PLCB1: variants seen among roughly 807,000 people sequenced by gnomAD.
PLCB1 encodes phospholipase C beta 1, also known as 1-phosphatidylinositol 4,5-bisphosphate phosphodiesterase beta-1.
Under a neutral mutation model 161.8 loss-of-function variants are expected in PLCB1, and 46 were observed. The observed-to-expected ratio is 0.28, with a 90% CI of 0.22 to 0.36. The LOEUF is 0.36. Ranked by LOEUF, PLCB1 falls within the 10% of genes least tolerant of loss-of-function variation. PLCB1 has a pLI of 1.00. For synonymous variants in PLCB1, 517 were observed against 503.7 expected (o/e 1.03, Z -0.35); for missense variants, 1,016 against 1,472.5 (o/e 0.69, Z 5.07).
At chr20:8,331,996 A>C (rs1438165074) in intron 2 of PLCB1, among the ~76,000 whole-genome samples, 1 of 152,174 alleles carries the variant, frequency 6.6e-6, no homozygotes, top group Non-Finnish European at 1.5e-5. Flanking sequence ...TTGTCTCCTC[A>C]TCTGTAAAAC....
chr20:8,611,856 A>G (rs909386928), intron 3 of PLCB1, among the ~76,000 whole-genome samples: 1 of 152,050 alleles, frequency 6.6e-6, no homozygotes, highest in Non-Finnish European at 1.5e-5. Context: ...TGAGGCAGGA[A>G]GATTGCTTGA....
At chr20:8,720,220 C>T (rs188890060) in intron 14 of PLCB1, among the ~76,000 whole-genome samples, 1 of 152,304 alleles carries the variant, frequency 6.6e-6, no homozygotes, top group Admixed American at 6.5e-5. Flanking sequence ...ATCTGCCTTT[C>T]CCACTACCAG....
chr20:8,839,800 G>A (rs1174529956), intron 31 of PLCB1, among the ~76,000 whole-genome samples: 1 of 151,386 alleles, frequency 6.6e-6, no homozygotes, highest in African/African-American at 2.4e-5. Context: ...GGAGGCCGAG[G>A]CAGGTGGATC....
intron 3 of PLCB1, among the ~76,000 whole-genome samples, chr20:8,595,244 T>TC (rs71331316): frequency 5.1e-5 from 4 of 78,400 alleles, no homozygotes; most frequent in African/African-American, 1.6e-4. Context: ...GTGCTATCCC[T>TC]CCCCCCTCCC....
chr20:8,182,583 C>CTT (rs113760426), intron 2 of PLCB1, among the ~76,000 whole-genome samples: 1 of 139,244 alleles, frequency 7.2e-6, no homozygotes, highest in Non-Finnish European at 1.6e-5. Flanking sequence ...TCTTTTTTTT[C>CTT]TTTTTTTTTT....
intron 3 of PLCB1, among the ~76,000 whole-genome samples, chr20:8,498,243 A>T (rs1983260203): frequency 1.3e-5 from 2 of 152,236 alleles, no homozygotes; most frequent in South Asian, 2.1e-4. Flanking sequence ...AATTACAGGC[A>T]CGTGCCACCA....
chr20:8,403,441 T>G (rs1386909988), intron 3 of PLCB1, among the ~76,000 whole-genome samples: 1 of 152,078 alleles, frequency 6.6e-6, no homozygotes, highest in African/African-American at 2.4e-5. Flanking sequence ...CAAGGTCAAA[T>G]GTAGTAAATG....
intron 3 of PLCB1, among the ~76,000 whole-genome samples, chr20:8,609,965 A>G (rs1317626140): frequency 6.6e-6 from 1 of 152,194 alleles, no homozygotes; most frequent in Non-Finnish European, 1.5e-5. Flanking sequence ...TATATTTAGT[A>G]TATTCATAGA....
intron 2 of PLCB1, among the ~76,000 whole-genome samples, chr20:8,214,899 T>C (rs1979035554): frequency 1.3e-5 from 2 of 150,744 alleles, no homozygotes; most frequent in South Asian, 4.1e-4. Context: ...CTTTCTTGCT[T>C]GAGGTGTGGC....
chr20:8,238,609 T>G (rs1980441816), intron 2 of PLCB1, among the ~76,000 whole-genome samples: 2 of 150,816 alleles, frequency 1.3e-5, no homozygotes, highest in African/African-American at 4.9e-5. Context: ...CAAGACAATA[T>G]GTACAAGGAC....
chr20:8,508,253 T>G lies in PLCB1; in HGVS notation c.247-120041T>G, dbSNP rs73593766. On this transcript the variant is annotated intron_variant, in intron 3 of 31. Coordinates refer to ENST00000338037, the MANE Select transcript of PLCB1 (RefSeq NM_015192.4). ...CTCCTTCCTGGGCAGGGTTTTAGTA[T>G]GCTAAGGAGGGGAGTTATTCAACTT... is the stretch of plus-strand genomic sequence containing the variant. 9.8e-3 allele frequency among the ~76,000 whole-genome samples: 1,499 copies of G among 152,322 alleles called. 26 individuals carry two copies. The highest frequency in any genetic ancestry group is 0.033 in the African/African-American group (1,381 of 41,560).
chr20:8,677,070 A>G (rs923130039), intron 9 of PLCB1, among the ~76,000 whole-genome samples: 4 of 152,230 alleles, frequency 2.6e-5, no homozygotes, highest in Admixed American at 1.3e-4. Context: ...CAAAAAAATT[A>G]GATGGAAGAT....
chr20:8,352,355 G>C (rs1466589038), intron 2 of PLCB1, among the ~76,000 whole-genome samples: 2 of 152,020 alleles, frequency 1.3e-5, no homozygotes, highest in Non-Finnish European at 2.9e-5. Flanking sequence ...GAAGCACAGT[G>C]AATCTTTTTA....
chr20:8,278,850 TCTC>T (rs1369918132), intron 2 of PLCB1, among the ~76,000 whole-genome samples: 1 of 152,014 alleles, frequency 6.6e-6, no homozygotes, highest in Non-Finnish European at 1.5e-5. Flanking sequence ...GGAAATATAT[TCTC>T]CTCCACCCTA....
In PLCB1 at chr20:8,513,742, G is replaced by T. The variant is rs368412074; in HGVS notation, c.247-114552G>T. ...GAAACAAAAGTGGTCAGGTGCAGTG[G>T]CTCATGCTTGTAATCCCAGCACTTT... On this transcript the variant is annotated intron_variant, in intron 3 of 31. Transcript: ENST00000338037. Among the ~76,000 whole-genome samples the T allele has an allele frequency of 2.0e-5, 3 of 152,310 alleles. No homozygotes were observed. In the South Asian group the frequency reaches 6.2e-4, roughly 32 times the overall value.
intron 2 of PLCB1, among the ~76,000 whole-genome samples, chr20:8,309,074 G>T (rs774781813): frequency 6.6e-6 from 1 of 151,916 alleles, no homozygotes; most frequent in Non-Finnish European, 1.5e-5. Flanking sequence ...AACTGTTAGC[G>T]CTGGGAGGAA....
intron 3 of PLCB1, among the ~76,000 whole-genome samples, chr20:8,525,647 A>G (rs1239629854): frequency 6.6e-6 from 1 of 152,206 alleles, no homozygotes; most frequent in African/African-American, 2.4e-5. Flanking sequence ...GTTTTTACCA[A>G]CAATTGGTTG....
intron 31 of PLCB1, among the ~76,000 whole-genome samples, chr20:8,819,315 GA>G (rs1169052425): frequency 1.3e-5 from 2 of 152,040 alleles, no homozygotes; most frequent in Non-Finnish European, 2.9e-5. Flanking sequence ...TATTGATATG[GA>G]AAAAAACTAA....
At chr20:8,443,792 C>G (rs919061479) in intron 3 of PLCB1, among the ~76,000 whole-genome samples, 7 of 152,336 alleles carry the variant, frequency 4.6e-5, no homozygotes, top group Admixed American at 2.6e-4. Context: ...GGCAACCTCT[C>G]TTTCATGGTT....
Sources: allele counts gnomAD v4.1 joint callset (sites outside exome capture counted in the v4.1 genomes callset), GRCh38; gene constraint gnomAD v4.1.1; transcripts MANE v1.5; gene names NCBI Gene and HGNC (gene_info 2026-07-23, HGNC 2026-07-21).